Variants in COL9A3 observed in about 807,000 individuals in gnomAD.
COL9A3 encodes collagen type IX alpha 3 chain.
In COL9A3, 82 loss-of-function variants were observed where a neutral mutation model predicts 110.2. The observed-to-expected ratio is 0.74, with a 90% confidence interval of 0.62 to 0.89. COL9A3 has a LOEUF of 0.89. COL9A3 is among the 40% of genes least tolerant of loss of function. The pLI, the probability that COL9A3 is intolerant of heterozygous loss-of-function variation, is 0.00. For synonymous variants in COL9A3, 494 were observed against 403.8 expected, an observed-to-expected ratio of 1.22 and a Z score of -2.68; for missense variants, 1,066 against 981.3, an observed-to-expected ratio of 1.09 and a Z score of -1.15.
intron 24 of COL9A3, 184 bp from the exon 25 acceptor site, chr20:62,831,970 G>A: frequency 1.4e-6 from 1 of 692,986 alleles, no homozygotes; most frequent in Admixed American, 2.1e-5. Flanking sequence ...AGAGCCATCG[G>A]GCCCAGAGGC....
intron 13 of COL9A3, 151 bp from the exon 14 acceptor site, chr20:62,826,053 G>A (rs1344703754): frequency 2.8e-6 from 3 of 1,063,086 alleles, no homozygotes; most frequent in African/African-American, 3.2e-5. Flanking sequence ...CCTCAAGGCT[G>A]GTGCCCCCTC....
intron 26 of COL9A3, 101 bp downstream of exon 26, chr20:62,833,165 C>A: frequency 6.1e-6 from 6 of 981,282 alleles, no homozygotes; most frequent in Non-Finnish European, 9.8e-6. Flanking sequence ...CTGCAGCTCC[C>A]GGTGGAAGAT....
chr20:62,833,655 G>C (rs1256007630), intron 26 of COL9A3, among the ~76,000 whole-genome samples: 2 of 151,750 alleles, frequency 1.3e-5, no homozygotes, highest in Admixed American at 6.6e-5. Flanking sequence ...ATCCCGCCTT[G>C]GTCTCTCAAA....
chr20:62,819,283 C>A lies in COL9A3; in HGVS notation c.245C>A (p.Pro82Gln). The change falls in exon 4 of 32, where the codon CCG becomes CAG. Residue 82 changes from proline to glutamine, a missense_variant. Transcript: ENST00000649368. ...GGAGAGGCTGGGCTGCCGGGACTGCCGGGTGTGGATGTGAGTGCGCCTGCC... is the reference window on the plus strand; with the variant it reads ...GGAGAGGCTGGGCTGCCGGGACTGCAGGGTGTGGATGTGAGTGCGCCTGCC... ...KPGEAGLPGLPGVDGLTGRDG... is the reference protein window; with the variant it reads ...KPGEAGLPGLQGVDGLTGRDG... 6.2e-7 allele frequency: 1 copy of A among 1,610,828 alleles called. No homozygotes were observed. Among genetic ancestry groups the A allele is most frequent in the Non-Finnish European group, 8.5e-7 (1 of 1,179,506 alleles).
In COL9A3 at chr20:62,822,537, G is replaced by T. The variant is rs141404962; in HGVS notation, c.478-54G>T. The T allele has an allele frequency of 2.0e-3, 3,197 of 1,596,042 alleles. 64 individuals are homozygous for T. In the African/African-American group the frequency reaches 0.038, roughly 19 times the overall value. On this transcript the variant is annotated intron_variant, in intron 9 of 31. Coordinates refer to ENST00000649368, the MANE Select transcript of COL9A3 (RefSeq NM_001853.4). ...AGAGAGTGGGTGGGTGGGTTGGGTGGCTGCAGGTGGCTGGGGAGGGCGGGA... is the reference window on the plus strand; with the variant it reads ...AGAGAGTGGGTGGGTGGGTTGGGTGTCTGCAGGTGGCTGGGGAGGGCGGGA...
Position 62,820,104 on chromosome 20 carries a change from T to C in COL9A3, c.309+122T>C, listed in dbSNP as rs940059131. On this transcript the variant is annotated intron_variant, in intron 5 of 31. Coordinates refer to ENST00000649368, the MANE Select transcript of COL9A3 (RefSeq NM_001853.4). ...GTTCCAAGGACAGCTGCCCTGCCCG[T>C]GCCTGGGGTGGAGGGGCAGAAGGGC... 9 of 1,194,860 alleles carry C rather than the reference T, an allele frequency of 7.5e-6. No individual in the cohort carries two copies. The African/African-American group carries it at 1.4e-4, about 18-fold the overall frequency. The allele number at this position is 1,194,860 out of a possible 1,614,324, so 74.0% of individuals were successfully genotyped here.
At position 62,838,736 on chromosome 20, in the gene COL9A3, G is replaced by C; in HGVS notation, c.1839G>C (p.Gly613=). 1 of 1,552,172 alleles carries C rather than the reference G, an allele frequency of 6.4e-7. No homozygotes were observed. The highest frequency in any genetic ancestry group is 8.7e-7 in the Non-Finnish European group (1 of 1,147,238). Reference sequence around the variant, plus strand: ...GCGCGGCAGGAGCAGGGCTGGACGGGCCTGAAGGAGACCAGGGGCCCCAAG... The same window carrying C: ...GCGCGGCAGGAGCAGGGCTGGACGGCCCTGAAGGAGACCAGGGGCCCCAAG... The part of the protein sequence containing the change: ...DKGAAGAGLD[G]PEGDQGPQGP... Residue 613 remains glycine (G), a synonymous_variant, in exon 31 of 32, where the codon GGG becomes GGC. Transcript: ENST00000649368.
At position 62,841,131 on chromosome 20, in the gene COL9A3, A is replaced by C; in HGVS notation, c.*399A>C. 4.6e-6 allele frequency: 1 copy of C among 219,034 alleles called. No individual in the cohort carries two copies. Among genetic ancestry groups the C allele is most frequent in the Non-Finnish European group, 9.3e-6 (1 of 107,454 alleles). 13.6% of individuals were successfully genotyped at this position (219,034 alleles called of 1,614,324 possible). On this transcript the variant is annotated 3_prime_UTR_variant, in exon 32 of 32. Coordinates refer to ENST00000649368, the MANE Select transcript of COL9A3 (RefSeq NM_001853.4). ...GCTACAGAGTAACAAAAAATAAAGA[A>C]TTTAATGTACAGTAAATTCTCTCCC...
In COL9A3 at chr20:62,830,600, T is replaced by C; in HGVS notation, c.1287+12T>C. The C allele has an allele frequency of 6.4e-7, 1 of 1,573,496 alleles. No individual in the cohort carries two copies. Among genetic ancestry groups the C allele is most frequent in the Non-Finnish European group, 8.6e-7 (1 of 1,164,170 alleles). On this transcript the variant is annotated intron_variant, in intron 24 of 31. Transcript: ENST00000649368. Reference sequence around the variant, plus strand: ...ACGTGGGCGACCGGGTAAGTGGCCCTCTCAGCAGGAAGCTCCCCTGCACCC... The same window carrying C: ...ACGTGGGCGACCGGGTAAGTGGCCCCCTCAGCAGGAAGCTCCCCTGCACCC...
intron 11 of COL9A3, 24 bp from the exon 12 acceptor site, chr20:62,824,944 C>T: frequency 6.2e-7 from 1 of 1,603,170 alleles, no homozygotes; most frequent in Non-Finnish European, 8.5e-7. Context: ...CTGGGTGGGG[C>T]AGTGACCCCA....
At chr20:62,820,083 C>A in intron 5 of COL9A3, 101 bp downstream of exon 5, 2 of 1,375,124 alleles carry the variant, frequency 1.5e-6, no homozygotes, top group Non-Finnish European at 2.1e-6. Context: ...CTGGTAGTTC[C>A]AAGGACAGCT....
At chr20:62,821,257 G>A (rs1013738377) in intron 6 of COL9A3, 41 bp downstream of exon 6, 1 of 1,603,532 alleles carries the variant, frequency 6.2e-7, no homozygotes, top group South Asian at 1.1e-5. Flanking sequence ...ATGGGAGTTT[G>A]GGGAGCTGGA....
At chr20:62,827,781 ACAGGCC>A in intron 16 of COL9A3, 136 bp from the exon 17 acceptor site, 1 of 840,396 alleles carries the variant, frequency 1.2e-6, no homozygotes, top group Non-Finnish European at 2.0e-6. Context: ...CCACGCACCC[ACAGGCC>A]CCAGGGTGGT....
At chr20:62,832,899 T>G in intron 25 of COL9A3, 121 bp from the exon 26 acceptor site, 1 of 921,776 alleles carries the variant, frequency 1.1e-6, no homozygotes, top group Non-Finnish European at 1.7e-6. Context: ...GGCCTGGGCT[T>G]TTGGCCTCGA....
At chr20:62,828,625 A>G in intron 17 of COL9A3, 139 bp from the exon 18 acceptor site, 2 of 1,009,764 alleles carry the variant, frequency 2.0e-6, no homozygotes, top group Non-Finnish European at 3.0e-6. Flanking sequence ...CACCTTGGTC[A>G]TGAAACCAGA....
chr20:62,840,482 C>T (rs936053123), intron 31 of COL9A3, 60 bp from the exon 32 acceptor site: 61 of 1,486,160 alleles, frequency 4.1e-5, no homozygotes, highest in Non-Finnish European at 5.3e-5. Context: ...AGCTGGATGT[C>T]AAGTCCCCCT....
Position 62,818,479 on chromosome 20 carries a change from C to G in COL9A3, c.148-39C>G, listed in dbSNP as rs199641605. On this transcript the variant is annotated intron_variant, in intron 2 of 31. Coordinates refer to ENST00000649368, the MANE Select transcript of COL9A3 (RefSeq NM_001853.4). ...CCGAGGCGGGGTTCTTGAGGGACCC[C>G]TGATTTTCAGGGTTACATGTGGGTG... 4.4e-6 allele frequency: 7 copies of G among 1,607,518 alleles called. No individual in the cohort carries two copies. In the African/African-American group the frequency reaches 8.0e-5, roughly 18 times the overall value.
chr20:62,829,510 G>A lies in COL9A3; in HGVS notation c.1053+11G>A, dbSNP rs1375314770. ...GAGAAGGGAGAACGGGTATGTGGCT[G>A]CAGCCGCTTTCTCTCTGGGAGGGGA... On this transcript the variant is annotated intron_variant, in intron 20 of 31. Coordinates refer to ENST00000649368, the MANE Select transcript of COL9A3 (RefSeq NM_001853.4). 1 of 1,610,500 alleles carries A rather than the reference G, an allele frequency of 6.2e-7. No individual in the cohort carries two copies. The highest frequency in any genetic ancestry group is 1.7e-5 in the Admixed American group (1 of 59,926).
chr20:62,819,399 G>A, intron 4 of COL9A3, 106 bp downstream of exon 4: 2 of 1,125,126 alleles, frequency 1.8e-6, no homozygotes, highest in Non-Finnish European at 2.6e-6. Flanking sequence ...CAGGCGGGAA[G>A]CCCAGTCCTG....
Sources: allele counts gnomAD v4.1 joint callset (sites outside exome capture counted in the v4.1 genomes callset), GRCh38; gene constraint gnomAD v4.1.1; transcripts MANE v1.5; gene names NCBI Gene and HGNC (gene_info 2026-07-23, HGNC 2026-07-21).